TRIM66: variants seen among roughly 807,000 people sequenced by gnomAD.
The protein encoded by TRIM66 is tripartite motif-containing protein 66.
Under a neutral mutation model 148.2 loss-of-function variants are expected in TRIM66, and 99 were observed. That is an observed-to-expected ratio of 0.67 (90% CI 0.57 to 0.79). The LOEUF is 0.79. TRIM66 is among the 30% of genes least tolerant of loss of function. TRIM66 has a pLI of 0.00. For synonymous variants in TRIM66, 616 were observed against 635.9 expected, an observed-to-expected ratio of 0.97 and a Z score of 0.47; for missense variants, 1,666 against 1,697.9, an observed-to-expected ratio of 0.98 and a Z score of 0.33.
intron 6 of TRIM66, 153 bp downstream of exon 6, chr11:8,671,633 G>T: frequency 1.7e-6 from 1 of 602,096 alleles, no homozygotes; most frequent in Non-Finnish European, 3.0e-6. Context: ...GATTCACTCT[G>T]TCTCACAGAT....
At chr11:8,655,439 G>C (rs893752311) in intron 6 of TRIM66, among the ~76,000 whole-genome samples, 7 of 152,124 alleles carry the variant, frequency 4.6e-5, no homozygotes, top group African/African-American at 1.7e-4. Context: ...GAATGCAGGG[G>C]AGTACAAATT....
rs1214019453 is a variant in TRIM66 at position 8,638,740 on chromosome 11, G to T, written c.2224C>A (p.Pro742Thr). ...GGGGTTTCTTCCCCAGACGCCTGGG[G>T]CAAGGCAGCAGCAGTATTCTTGTCA... is the stretch of plus-strand genomic sequence containing the variant. Reference protein sequence around the residue: ...PLDKNTAAALPQASGEETPLS... With the variant: ...PLDKNTAAALTQASGEETPLS... Residue 742 changes from proline (P) to threonine (T), a missense_variant, in exon 15 of 25, where the codon CCC (proline) becomes ACC (threonine). By Grantham distance (38) the Pro-to-Thr change is conservative. Transcript: ENST00000646038. 6.4e-7 allele frequency: 1 copy of T among 1,550,682 alleles called. No homozygotes were observed. The highest frequency in any genetic ancestry group is 1.4e-5 in the African/African-American group (1 of 72,938).
rs2039500839 is a variant in TRIM66 at position 8,682,664 on chromosome 11, G to A, written c.-611C>T. 3.5e-6 allele frequency: 3 copies of A among 851,488 alleles called. No individual in the cohort carries two copies. The highest frequency in any genetic ancestry group is 2.0e-5 in the Admixed American group (1 of 51,088). The allele number at this position is 851,488 out of a possible 1,614,324, so 52.7% of individuals were successfully genotyped here. A position where few individuals can be genotyped will look rare whatever the true frequency, so the allele number is the denominator to read the frequency against. ...GGATCACCACCCTCAGAAAGAGGAAGCGACTAGCAGGCGCGCAATCCCGCG... is the reference window on the plus strand; with the variant it reads ...GGATCACCACCCTCAGAAAGAGGAAACGACTAGCAGGCGCGCAATCCCGCG... On this transcript the variant is annotated 5_prime_UTR_variant, in exon 1 of 25. Transcript: ENST00000646038.
intron 15 of TRIM66, among the ~76,000 whole-genome samples, chr11:8,633,527 G>A (rs754351595): frequency 2.0e-5 from 3 of 152,174 alleles, no homozygotes; most frequent in Non-Finnish European, 4.4e-5. Context: ...AGCCAGACTT[G>A]GGGAGTGTTT....
At chr11:8,652,365 C>T (rs1309600290) in intron 6 of TRIM66, among the ~76,000 whole-genome samples, 1 of 152,124 alleles carries the variant, frequency 6.6e-6, no homozygotes, top group Non-Finnish European at 1.5e-5. Context: ...AAGCTAAAGC[C>T]TCCAGAAGGC....
chr11:8,681,899 A>C (rs1408092267), intron 1 of TRIM66, among the ~76,000 whole-genome samples: 1 of 152,096 alleles, frequency 6.6e-6, no homozygotes, highest in Non-Finnish European at 1.5e-5. Context: ...ATTCTGGAGA[A>C]AATTCAAAAA....
chr11:8,656,247 C>T (rs1007127165), intron 6 of TRIM66, among the ~76,000 whole-genome samples: 1 of 152,202 alleles, frequency 6.6e-6, no homozygotes, highest in Admixed American at 6.5e-5. Context: ...AATCAAACAT[C>T]TACTTAACAA....
intron 19 of TRIM66, 122 bp downstream of exon 19, chr11:8,621,523 G>T: frequency 7.4e-7 from 1 of 1,350,842 alleles, no homozygotes; most frequent in Non-Finnish European, 9.8e-7. Context: ...ACAACGTCTG[G>T]CCAAGCTGCA....
At chr11:8,624,243 G>C in intron 17 of TRIM66, 116 bp downstream of exon 17, 2 of 1,176,096 alleles carry the variant, frequency 1.7e-6, no homozygotes, top group Non-Finnish European at 1.2e-6. Flanking sequence ...CAGCCTCAGA[G>C]AGATGCACTG....
chr11:8,678,780 G>A (rs11042036), intron 3 of TRIM66, among the ~76,000 whole-genome samples: 5 of 152,106 alleles, frequency 3.3e-5, no homozygotes, highest in Non-Finnish European at 7.4e-5. Context: ...GGATGTTGCT[G>A]CTATCTGAAG....
chr11:8,620,331 G>A (rs1226705811), intron 21 of TRIM66, 115 bp downstream of exon 21: 7 of 1,474,424 alleles, frequency 4.7e-6, no homozygotes, highest in African/African-American at 1.4e-5. Flanking sequence ...GTCAGGCATA[G>A]GACGAAGAAA....
At chr11:8,647,083 A>AATAAACATATAATATAATGTTTATT (rs1211909500) in intron 10 of TRIM66, among the ~76,000 whole-genome samples, 6 of 93,776 alleles carry the variant, frequency 6.4e-5, no homozygotes, top group East Asian at 2.4e-4. Flanking sequence ...TATAATAAAC[A>AATAAACATATAATATAATGTTTATT]ATAAACATAT....
intron 6 of TRIM66, among the ~76,000 whole-genome samples, chr11:8,660,014 A>T (rs565347903): frequency 1.3e-5 from 2 of 152,232 alleles, no homozygotes; most frequent in East Asian, 3.9e-4. Flanking sequence ...AGCAGCTGGG[A>T]CTACAGGCGT....
intron 11 of TRIM66, 68 bp from the exon 12 acceptor site, chr11:8,645,955 C>A: frequency 6.7e-7 from 1 of 1,494,342 alleles, no homozygotes; most frequent in South Asian, 1.2e-5. Flanking sequence ...CTTGGGAAGT[C>A]TGGTGGCTTG....
Position 8,645,406 on chromosome 11 carries a change from G to C in TRIM66, c.1104+335C>G, listed in dbSNP as rs1212970673. Among the ~76,000 whole-genome samples the C allele has an allele frequency of 2.0e-5, 3 of 152,122 alleles. No homozygotes were observed. In the South Asian group the frequency reaches 6.2e-4, roughly 32 times the overall value. On this transcript the variant is annotated intron_variant, in intron 12 of 24. Transcript: ENST00000646038. ...TGTAAACCCCAGTAACTTTCTATGA[G>C]ATGCCCAGCACACTGCTCATGTCCA...
At position 8,671,890 on chromosome 11, in the gene TRIM66, C is replaced by T. The variant is rs1490457403; in HGVS notation, c.236G>A (p.Gly79Asp). Reference protein sequence around the residue: ...SLCHQDLPGMGSHLLSCQHLL... With the variant: ...SLCHQDLPGMDSHLLSCQHLL... Reference sequence around the variant, plus strand: ...ATGCTGGCAGGATAGGAGATGAGAGCCCATACCTGGCAGGTCCTGATGGCA... The same window carrying T: ...ATGCTGGCAGGATAGGAGATGAGAGTCCATACCTGGCAGGTCCTGATGGCA... Residue 79 changes from glycine (G) to aspartate (D), a missense_variant, in exon 6 of 25, where the codon GGC becomes GAC. Physicochemically the swap from Gly to Asp is moderately conservative, Grantham distance 94 (BLOSUM62 -1). Around this residue, in one of 3 missense-constraint regions of TRIM66, gnomAD observed 1,431 missense variants for 1,412.4 expected, o/e 1.01. Transcript: ENST00000646038. 1 of 1,536,128 alleles carries T rather than the reference C, an allele frequency of 6.5e-7. No individual in the cohort carries two copies. The highest frequency in any genetic ancestry group is 1.2e-5 in the South Asian group (1 of 84,058).
chr11:8,662,392 T>C (rs1355231471), intron 6 of TRIM66, among the ~76,000 whole-genome samples: 1 of 152,220 alleles, frequency 6.6e-6, no homozygotes, highest in African/African-American at 2.4e-5. Context: ...TCCCCCTCTT[T>C]GGATATTCCT....
At chr11:8,658,952 G>A in intron 6 of TRIM66, 1 of 276,798 alleles carries the variant, frequency 3.6e-6, no homozygotes. Flanking sequence ...GACTTCGGAT[G>A]GAGAAGACAC....
intron 6 of TRIM66, among the ~76,000 whole-genome samples, chr11:8,670,370 A>C (rs2038866925): frequency 6.6e-6 from 1 of 152,164 alleles, no homozygotes; most frequent in Non-Finnish European, 1.5e-5. Context: ...AGCAGGTCCC[A>C]GTATCTGCTG....
Sources: gnomAD v4.1 joint callset for allele counts (sites outside exome capture counted in the v4.1 genomes callset) on GRCh38, gnomAD v4.1.1 for gene constraint, gnomAD v4.1.1 regional missense constraint, MANE v1.5 for transcripts, NCBI Gene and HGNC (gene_info 2026-07-23, HGNC 2026-07-21) for gene names.